Variants in LINGO1 observed in about 807,000 individuals in gnomAD.
The protein encoded by LINGO1 is leucine-rich repeat and immunoglobulin-like domain-containing nogo receptor-interacting protein 1.
LINGO1 carries 11 observed loss-of-function variants against 37.3 expected under a neutral mutation model. The ratio of observed to expected loss-of-function variants is 0.29; its 90% confidence interval spans 0.19 to 0.49. The LOEUF (loss-of-function observed/expected upper bound fraction) is 0.49. Among genes scored for constraint, LINGO1 ranks in the 20% least tolerant of loss-of-function variants. The pLI, the probability that LINGO1 is intolerant of heterozygous loss-of-function variation, is 0.99. For missense variants in LINGO1, 585 were observed against 878.2 expected (o/e 0.67, Z 4.22); for synonymous variants, 387 against 403.0 (o/e 0.96, Z 0.48).
At chr15:77,638,856 C>T (rs906997208), upstream of LINGO1, among the ~76,000 whole-genome samples, 1 of 152,174 alleles carries the variant, frequency 6.6e-6, no homozygotes, top group Admixed American at 6.5e-5. Flanking sequence ...GTGTAATCCC[C>T]TCCCCTTCAG....
upstream of LINGO1, chr15:77,787,293 A>G (rs1391073337): frequency 6.6e-6 from 1 of 152,218 alleles, no homozygotes; most frequent in Non-Finnish European, 1.5e-5. Context: ...GCAAATCCCA[A>G]TTCGCCTCTC....
chr15:77,777,465 GCA>G (rs112112009), intron 1 of LINGO1, among the ~76,000 whole-genome samples: 7,635 of 139,908 alleles, frequency 0.055, 282 homozygotes, highest in African/African-American at 0.098. Flanking sequence ...ATACACACAC[GCA>G]CACACACACA....
intron 1 of LINGO1, among the ~76,000 whole-genome samples, chr15:77,692,427 T>C (rs1433867776): frequency 2.0e-5 from 3 of 152,178 alleles, no homozygotes; most frequent in Non-Finnish European, 4.4e-5. Flanking sequence ...GGAGAGTTTT[T>C]CTCCTTTTTA....
At chr15:77,802,980 C>G (rs1036071649) in intron 1 of LINGO1, among the ~76,000 whole-genome samples, 18 of 152,184 alleles carry the variant, frequency 1.2e-4, no homozygotes, top group Non-Finnish European at 7.3e-5. Context: ...ATACTACCCT[C>G]CAATCAGACT....
rs2076847530 is a variant in LINGO1, at chr15:77,794,387, CATACATATATACGT to C, written c.-343+1538_-343+1551del. On this transcript the variant is annotated intron_variant, in intron 2 of 5. Transcript: ENST00000562933. ...GTATATACATACGTATATGTATATA[CATACATATATACGT>C]ATATATGTGTATATACATACGTATA... 8.4e-5 allele frequency among the ~76,000 whole-genome samples: 5 copies of C among 59,482 alleles called. 1 individual carries two copies. Among genetic ancestry groups the C allele is most frequent in the South Asian group, 4.7e-4 (1 of 2,144 alleles). 39.0% of individuals were successfully genotyped at this position (59,482 alleles called of 152,430 possible). A position where few individuals can be genotyped will look rare whatever the true frequency, so the allele number is the denominator to read the frequency against.
chr15:77,742,864 CAG>C (rs560979050), intron 1 of LINGO1, among the ~76,000 whole-genome samples: 35 of 152,294 alleles, frequency 2.3e-4, no homozygotes, highest in African/African-American at 7.5e-4. Context: ...GAGGAATTCT[CAG>C]CAGCTAGGTG....
At chr15:77,748,874 AT>A (rs976999094) in intron 1 of LINGO1, among the ~76,000 whole-genome samples, 2 of 95,414 alleles carry the variant, frequency 2.1e-5, no homozygotes, top group African/African-American at 8.6e-5. Context: ...TTATTTATTT[AT>A]TTATTTATTT....
At chr15:77,647,547 G>C (rs2074661242) in intron 3 of LINGO1, among the ~76,000 whole-genome samples, 1 of 152,156 alleles carries the variant, frequency 6.6e-6, no homozygotes, top group African/African-American at 2.4e-5. Flanking sequence ...GGACAAAGTG[G>C]AGTCTGCACA....
intron 1 of LINGO1, among the ~76,000 whole-genome samples, chr15:77,797,415 A>G (rs77309404): frequency 1.9e-3 from 288 of 151,298 alleles, no homozygotes; most frequent in Middle Eastern, 3.4e-3. Flanking sequence ...TGTGTATTGG[A>G]AAAAAAAACA....
rs772801288 is a variant in LINGO1, at chr15:77,632,299, G to A, written c.6+11C>T. On this transcript the variant is annotated intron_variant, in intron 1 of 1. Coordinates refer to ENST00000355300, the MANE Select transcript of LINGO1 (RefSeq NM_032808.7). The surrounding 1 kb of genome is among the most constrained non-coding windows in gnomAD (Gnocchi z 6.0). ...GCCCGCTCGGGGCTCGGCCGCGGCC[G>A]CCTGGCTCACCTGCATCTCGGGCGC... 12 of 1,431,644 alleles carry A rather than the reference G, an allele frequency of 8.4e-6. No homozygotes were observed. Among genetic ancestry groups the A allele is most frequent in the Admixed American group, 5.1e-5 (2 of 39,116 alleles). 88.7% of individuals were successfully genotyped at this position (1,431,644 alleles called of 1,614,324 possible).
intron 2 of LINGO1, among the ~76,000 whole-genome samples, chr15:77,709,301 C>T (rs1479874406): frequency 6.6e-6 from 1 of 152,216 alleles, no homozygotes; most frequent in Non-Finnish European, 1.5e-5. Context: ...TGGAGCATCC[C>T]CAGTGCCCCC....
chr15:77,709,775 T>C (rs1223562505), intron 2 of LINGO1, among the ~76,000 whole-genome samples: 2 of 152,204 alleles, frequency 1.3e-5, no homozygotes, highest in Non-Finnish European at 2.9e-5. Flanking sequence ...ATGGAGAAGC[T>C]ACACTAGCTG....
chr15:77,778,946 C>T (rs1009540638), intron 1 of LINGO1, among the ~76,000 whole-genome samples: 1 of 152,128 alleles, frequency 6.6e-6, no homozygotes, highest in African/African-American at 2.4e-5. Context: ...ACAACAATTC[C>T]TCCCCTCTCT....
chr15:77,689,253 GC>G (rs2075562646), intron 2 of LINGO1, among the ~76,000 whole-genome samples: 1 of 152,074 alleles, frequency 6.6e-6, no homozygotes, highest in Admixed American at 6.5e-5. Context: ...CCCATCACCA[GC>G]CCCCAGGCTG....
At chr15:77,696,453 C>T (rs1185410079) in exon 1 of LINGO1, 1 of 152,376 alleles carries the variant, frequency 6.6e-6, no homozygotes, top group Non-Finnish European at 1.5e-5. Flanking sequence ...CCCTGAGCCT[C>T]TTGGAATCTC....
chr15:77,690,477 G>A (rs192391783), intron 2 of LINGO1, among the ~76,000 whole-genome samples: 17 of 152,298 alleles, frequency 1.1e-4, no homozygotes, highest in East Asian at 5.8e-4. Flanking sequence ...TGGTTGCACC[G>A]TTTGACTCAC....
At chr15:77,760,198 G>A (rs541847223) in intron 1 of LINGO1, among the ~76,000 whole-genome samples, 30 of 152,326 alleles carry the variant, frequency 2.0e-4, no homozygotes, top group African/African-American at 6.0e-4. Context: ...GTGCCTGCCG[G>A]GGTTGGGGTA....
chr15:77,657,794 C>G (rs1212100383), intron 3 of LINGO1, among the ~76,000 whole-genome samples: 1 of 152,158 alleles, frequency 6.6e-6, no homozygotes, highest in African/African-American at 2.4e-5. Context: ...GGAGGCTCCG[C>G]CGCGGGGGCT....
upstream of LINGO1, among the ~76,000 whole-genome samples, chr15:77,638,509 C>G (rs575203118): frequency 2.1e-3 from 317 of 152,352 alleles, no homozygotes; most frequent in Non-Finnish European, 3.9e-3. Flanking sequence ...GCTCGGCTGT[C>G]CCCATGGATC....
Sources: gnomAD v4.1 joint callset for allele counts (sites outside exome capture counted in the v4.1 genomes callset) on GRCh38, gnomAD v4.1.1 for gene constraint, Gnocchi (gnomAD v3.1) non-coding constraint, MANE v1.5 for transcripts, NCBI Gene and HGNC (gene_info 2026-07-23, HGNC 2026-07-21) for gene names.